The following KLHL2 variants were observed in gnomAD, a reference collection of about 807,000 sequenced individuals.
The protein encoded by KLHL2 is kelch like family member 2, also known as kelch-like protein 2.
In KLHL2, 15 loss-of-function variants were observed where a neutral mutation model predicts 75.8. That is an observed-to-expected ratio of 0.20 (90% CI 0.13 to 0.30). The LOEUF (loss-of-function observed/expected upper bound fraction) is 0.30, where lower values mean the gene tolerates loss of function less well. KLHL2 is among the 10% of genes least tolerant of loss of function. KLHL2 has a pLI of 1.00. For missense variants in KLHL2, 381 were observed against 741.0 expected (o/e 0.51, Z 5.64); for synonymous variants, 214 against 251.9 (o/e 0.85, Z 1.42).
chr4:165,237,935 A>G (rs1373328384), intron 3 of KLHL2, among the ~76,000 whole-genome samples: 1 of 150,330 alleles, frequency 6.7e-6, no homozygotes, highest in Non-Finnish European at 1.5e-5. Context: ...CTTGCCTCCT[A>G]CTCTCCCCAA....
chr4:165,297,746 T>C, intron 7 of KLHL2, 21 bp downstream of exon 7: 1 of 1,381,100 alleles, frequency 7.2e-7, no homozygotes, highest in Non-Finnish European at 1.0e-6. Context: ...ATGCAAAACA[T>C]ATGAATCCAC....
In KLHL2 at chr4:165,295,801, G is replaced by A. The variant is rs192691328; in HGVS notation, c.654+1333G>A. 8.5e-5 allele frequency among the ~76,000 whole-genome samples: 13 copies of A among 152,266 alleles called. No homozygotes were observed. The East Asian group carries it at 1.7e-3, about 20-fold the overall frequency. On this transcript the variant is annotated intron_variant, in intron 6 of 14. Transcript: ENST00000226725. ...GTATTCAATGTGTTCAGTATGATGG[G>A]AGTTTAGAATATGAGACATTGGTGG...
chr4:165,299,388 T>C (rs1004290828), intron 7 of KLHL2, 119 bp from the exon 8 acceptor site: 1 of 855,736 alleles, frequency 1.2e-6, no homozygotes, highest in African/African-American at 1.7e-5. Context: ...TCGTTTATTT[T>C]TAGACTAAAC....
intron 2 of KLHL2, among the ~76,000 whole-genome samples, chr4:165,223,152 T>C (rs1485401506): frequency 1.3e-5 from 2 of 152,242 alleles, no homozygotes; most frequent in Non-Finnish European, 2.9e-5. Flanking sequence ...ATCTTGAAAT[T>C]ATTTGGTTTA....
At chr4:165,238,632 G>T in intron 3 of KLHL2, 146 bp from the exon 4 acceptor site, 6 of 1,452,808 alleles carry the variant, frequency 4.1e-6, no homozygotes, top group Non-Finnish European at 5.5e-6. Context: ...GAGGAAGGGG[G>T]GAGTATTTTC....
chr4:165,317,993 T>C, intron 14 of KLHL2, 24 bp downstream of exon 14: 1 of 1,605,884 alleles, frequency 6.2e-7, no homozygotes, highest in South Asian at 1.1e-5. Context: ...CTAAAGTCAA[T>C]TTCCGTACAA....
At position 165,279,271 on chromosome 4, in the gene KLHL2, A is replaced by C. The variant is rs540760383; in HGVS notation, c.545-15088A>C. ...TATTTCCTGGAATTCTTTTACTAAGACTCTCAACGGTAGACTGTGTTCTTA... is the reference window on the plus strand; with the variant it reads ...TATTTCCTGGAATTCTTTTACTAAGCCTCTCAACGGTAGACTGTGTTCTTA... On this transcript the variant is annotated intron_variant, in intron 5 of 14. Transcript: ENST00000226725. 7.4e-4 allele frequency: 1,134 copies of C among 1,534,008 alleles called. 6 individuals carry two copies. The highest frequency in any genetic ancestry group is 3.8e-3 in the African/African-American group (279 of 73,414).
chr4:165,285,074 G>A (rs1743983196), intron 5 of KLHL2, among the ~76,000 whole-genome samples: 1 of 152,140 alleles, frequency 6.6e-6, no homozygotes, highest in East Asian at 1.9e-4. Flanking sequence ...GATTTGGATG[G>A]GGACACAGAG....
intron 5 of KLHL2, among the ~76,000 whole-genome samples, chr4:165,287,565 C>T (rs1385508985): frequency 7.5e-6 from 1 of 132,932 alleles, no homozygotes; most frequent in Admixed American, 7.1e-5. Context: ...TTCGAGTAAC[C>T]TCCATGCTTT....
intron 14 of KLHL2, 101 bp from the exon 15 acceptor site, chr4:165,321,931 G>A (rs1364568649): frequency 3.0e-6 from 3 of 1,016,602 alleles, no homozygotes; most frequent in Non-Finnish European, 4.7e-6. Context: ...GATTTGTACA[G>A]TTCCTCCTGC....
intron 5 of KLHL2, among the ~76,000 whole-genome samples, chr4:165,264,338 T>C (rs1741968192): frequency 6.6e-6 from 1 of 151,712 alleles, no homozygotes; most frequent in African/African-American, 2.4e-5. Context: ...GACATTGTAC[T>C]CTAATCGGTA....
rs1444866758 is a variant in KLHL2, at chr4:165,317,806, C to T, written c.1610-20C>T. The T allele has an allele frequency of 3.1e-6, 5 of 1,593,330 alleles. No homozygotes were observed. The highest frequency in any genetic ancestry group is 1.1e-5 in the South Asian group (1 of 89,302). ...TCCCAATTTTTTAAATAATTGTTTT[C>T]TCTCTGTAATTTTTTAAAGGAGTTT... On this transcript the variant is annotated intron_variant, in intron 13 of 14. Transcript: ENST00000226725.
intron 3 of KLHL2, among the ~76,000 whole-genome samples, chr4:165,237,675 T>G (rs1449564426): frequency 2.0e-5 from 3 of 152,220 alleles, no homozygotes; most frequent in African/African-American, 7.2e-5. Flanking sequence ...CAAGAAATCT[T>G]GAGGCTATGT....
intron 2 of KLHL2, among the ~76,000 whole-genome samples, chr4:165,220,544 A>G (rs1247019351): frequency 6.6e-6 from 1 of 151,990 alleles, no homozygotes; most frequent in Admixed American, 6.6e-5. Context: ...ACACAGTGAG[A>G]CTCTGTCCCT....
At position 165,232,692 on chromosome 4, in the gene KLHL2, A is replaced by G. The variant is rs556807245; in HGVS notation, c.259+3779A>G. ...GAAGCAGAGGTTGCACTGAGCTGAG[A>G]TCATGCCACTGCCCTCCACCTGGGC... On this transcript the variant is annotated intron_variant, in intron 3 of 14. Coordinates refer to ENST00000226725, the MANE Select transcript of KLHL2 (RefSeq NM_007246.4). 2.0e-5 allele frequency among the ~76,000 whole-genome samples: 3 copies of G among 152,166 alleles called. No homozygotes were observed. The East Asian group carries it at 5.8e-4, about 29-fold the overall frequency.
chr4:165,217,776 C>T (rs186000930), intron 1 of KLHL2, among the ~76,000 whole-genome samples: 1 of 152,306 alleles, frequency 6.6e-6, no homozygotes. Context: ...TTTCTGACTC[C>T]AGCTAAACTT....
chr4:165,278,198 G>C (rs779018808), intron 5 of KLHL2: 3 of 1,252,792 alleles, frequency 2.4e-6, no homozygotes, highest in Non-Finnish European at 2.4e-6. Flanking sequence ...CCGCTCCATC[G>C]TGACGGCGGA....
intron 10 of KLHL2, 41 bp from the exon 11 acceptor site, chr4:165,311,423 T>G (rs745481439): frequency 5.6e-6 from 8 of 1,433,098 alleles, no homozygotes; most frequent in African/African-American, 1.4e-5. Flanking sequence ...CTATTGACAT[T>G]TTTTAGAGAA....
chr4:165,298,483 TTTTTTATTAGAATCCCGCTA>T (rs1745088803), intron 7 of KLHL2, among the ~76,000 whole-genome samples: 2 of 152,216 alleles, frequency 1.3e-5, no homozygotes, highest in African/African-American at 4.8e-5. Context: ...ATTTACTGTT[TTTTTTATTAGAATCCCGCTA>T]GGAACATTTC....
Sources: gnomAD v4.1 joint callset for allele counts (sites outside exome capture counted in the v4.1 genomes callset) on GRCh38, gnomAD v4.1.1 for gene constraint, MANE v1.5 for transcripts, NCBI Gene and HGNC (gene_info 2026-07-23, HGNC 2026-07-21) for gene names.